TMCO1: variants seen among roughly 807,000 people sequenced by gnomAD.
TMCO1 encodes calcium load-activated calcium channel.
Under a neutral mutation model 29.3 loss-of-function variants are expected in TMCO1, and 29 were observed. That is an observed-to-expected ratio of 0.99 (90% CI 0.74 to 1.35). TMCO1 has a LOEUF of 1.35. Ranked by LOEUF, TMCO1 falls within the 40% of genes most tolerant of loss-of-function variation. The pLI is 0.00. For missense variants in TMCO1, 173 were observed against 225.5 expected (o/e 0.77, Z 1.49); for synonymous variants, 80 against 77.1 (o/e 1.04, Z -0.20).
intron 3 of TMCO1, chr1:165,754,885 T>C (rs1473929301): frequency 1.3e-5 from 2 of 152,964 alleles, no homozygotes; most frequent in Non-Finnish European, 2.9e-5. Context: ...TCCCAGCTAC[T>C]TGGGAGGCTA....
intron 6 of TMCO1, among the ~76,000 whole-genome samples, chr1:165,739,192 T>C (rs749870277): frequency 1.3e-5 from 2 of 152,174 alleles, no homozygotes; most frequent in Non-Finnish European, 2.9e-5. Flanking sequence ...TTTTCTTATT[T>C]TAACTTAATA....
chr1:165,754,690 T>C (rs1450926964), intron 3 of TMCO1, among the ~76,000 whole-genome samples: 8 of 152,172 alleles, frequency 5.3e-5, no homozygotes, highest in Non-Finnish European at 1.2e-4. Flanking sequence ...AGTCTAAAAT[T>C]ATAAGCCAGT....
At chr1:165,752,853 C>T (rs1652054231) in intron 4 of TMCO1, among the ~76,000 whole-genome samples, 1 of 152,076 alleles carries the variant, frequency 6.6e-6, no homozygotes, top group Non-Finnish European at 1.5e-5. Flanking sequence ...GGTAACCCAC[C>T]CTTCACCTCC....
At chr1:165,724,769 T>C, downstream of TMCO1, 1 of 453,826 alleles carries the variant, frequency 2.2e-6, no homozygotes, top group Non-Finnish European at 4.4e-6. Flanking sequence ...CAACACATTA[T>C]ATTAAGGAAT....
chr1:165,730,268 C>T (rs1317364430), intron 6 of TMCO1, among the ~76,000 whole-genome samples: 3 of 151,886 alleles, frequency 2.0e-5, no homozygotes, highest in Admixed American at 1.3e-4. Flanking sequence ...CCCCAGGGGG[C>T]GGAGCCTGCA....
intron 4 of TMCO1, among the ~76,000 whole-genome samples, chr1:165,752,415 T>C (rs113425124): frequency 0.013 from 2,001 of 150,816 alleles, 54 homozygotes; most frequent in African/African-American, 0.047. Context: ...GCCACCACGC[T>C]TGGCTGATTT....
At position 165,730,165 on chromosome 1, in the gene TMCO1, C is replaced by CAAAAAAAAAA. The variant is rs572104283; in HGVS notation, c.469-2045_469-2044insTTTTTTTTTT. The stretch of plus-strand genomic sequence containing the variant: ...TGAAACCCCGTCTGTACTAAAAATA[C>CAAAAAAAAAA]ACACACACAAAAAAAAAAAAATTAG... On this transcript the variant is annotated intron_variant, in intron 6 of 6. Coordinates refer to ENST00000367881, the MANE Select transcript of TMCO1 (RefSeq NM_019026.6). Among the ~76,000 whole-genome samples the CAAAAAAAAAA allele has an allele frequency of 2.4e-4, 25 of 102,680 alleles. 1 individual carries two copies. Among genetic ancestry groups the CAAAAAAAAAA allele is most frequent in the Non-Finnish European group, 3.4e-4 (17 of 50,564 alleles). The allele number at this position is 102,680 out of a possible 152,430, so 67.4% of individuals were successfully genotyped here. A position where few individuals can be genotyped will look rare whatever the true frequency, so the allele number is the denominator to read the frequency against.
rs1360617205 is a variant in TMCO1, at chr1:165,726,967, ATG to A, written c.*1054_*1055del. On this transcript the variant is annotated 3_prime_UTR_variant, in exon 7 of 7. Transcript: ENST00000367881. ...TTTAACAATGATTACCTTGAAAATT[ATG>A]TGTTTTTTCTCACTGGTAGAATACT... The A allele has an allele frequency of 2.2e-6, 1 of 454,090 alleles. No homozygotes were observed. 28.1% of individuals were successfully genotyped at this position (454,090 alleles called of 1,614,324 possible). A position where few individuals can be genotyped will look rare whatever the true frequency, so the allele number is the denominator to read the frequency against.
At chr1:165,754,328 T>C in intron 3 of TMCO1, 54 bp from the exon 4 acceptor site, 3 of 1,433,408 alleles carry the variant, frequency 2.1e-6, no homozygotes, top group Non-Finnish European at 2.0e-6. Flanking sequence ...ACAAAGCAGC[T>C]GTTAAATAAA....
At chr1:165,724,449 T>C (rs564468299), downstream of TMCO1, 2 of 454,004 alleles carry the variant, frequency 4.4e-6, no homozygotes, top group Non-Finnish European at 8.8e-6. Flanking sequence ...TCAACAAATA[T>C]ATTGTAAGAG....
At chr1:165,731,552 A>C (rs1260307833) in intron 6 of TMCO1, among the ~76,000 whole-genome samples, 1 of 152,218 alleles carries the variant, frequency 6.6e-6, no homozygotes, top group African/African-American at 2.4e-5. Context: ...CCAATGTAAA[A>C]ATGTTGGATG....
intron 6 of TMCO1, among the ~76,000 whole-genome samples, chr1:165,730,230 G>A (rs1436991164): frequency 6.6e-6 from 1 of 151,782 alleles, no homozygotes; most frequent in African/African-American, 2.4e-5. Flanking sequence ...CAGCTACTCA[G>A]GAGGCTGAGG....
At chr1:165,768,100 G>GT in intron 2 of TMCO1, 92 bp downstream of exon 2, 1 of 1,094,900 alleles carries the variant, frequency 9.1e-7, no homozygotes, top group East Asian at 2.4e-5. Flanking sequence ...GTTCATCTTT[G>GT]TATCAGCTGG....
chr1:165,731,646 T>TAG (rs1651164494), intron 6 of TMCO1, among the ~76,000 whole-genome samples: 2 of 152,370 alleles, frequency 1.3e-5, no homozygotes, highest in South Asian at 4.1e-4. Context: ...ACTGAACTGG[T>TAG]AGTCTGTTGA....
intron 6 of TMCO1, among the ~76,000 whole-genome samples, chr1:165,728,819 G>A (rs1031009361): frequency 7.2e-5 from 11 of 151,998 alleles, no homozygotes; most frequent in African/African-American, 9.7e-5. Flanking sequence ...AGTTTCGGCC[G>A]GGTGTGGTGG....
intron 6 of TMCO1, among the ~76,000 whole-genome samples, chr1:165,729,658 C>A (rs1226435309): frequency 1.3e-5 from 2 of 152,118 alleles, no homozygotes; most frequent in Non-Finnish European, 2.9e-5. Context: ...CCTTAGAGAT[C>A]CTGATTATTC....
chr1:165,730,308 G>T (rs527415250), intron 6 of TMCO1, among the ~76,000 whole-genome samples: 7 of 151,902 alleles, frequency 4.6e-5, no homozygotes, highest in Admixed American at 3.3e-4. Context: ...CTGCACTCCA[G>T]CCTGGGCGAC....
intron 5 of TMCO1, among the ~76,000 whole-genome samples, chr1:165,747,785 G>A (rs1423634415): frequency 6.6e-6 from 1 of 152,156 alleles, no homozygotes; most frequent in Non-Finnish European, 1.5e-5. Flanking sequence ...TGGAGACCTT[G>A]AGCAAGTTAA....
intron 6 of TMCO1, among the ~76,000 whole-genome samples, chr1:165,739,249 T>C (rs1022488190): frequency 5.9e-5 from 9 of 152,204 alleles, no homozygotes; most frequent in Non-Finnish European, 1.3e-4. Context: ...AAATATTTGC[T>C]ATCTAGACCT....
Sources: gnomAD v4.1 joint callset for allele counts (sites outside exome capture counted in the v4.1 genomes callset) on GRCh38, gnomAD v4.1.1 for gene constraint, MANE v1.5 for transcripts, NCBI Gene and HGNC (gene_info 2026-07-23, HGNC 2026-07-21) for gene names.